The following SLC6A19 variants were observed in gnomAD, a reference collection of about 807,000 sequenced individuals.
SLC6A19 encodes sodium-dependent neutral amino acid transporter B(0)AT1.
SLC6A19 carries 67 observed loss-of-function variants against 68.3 expected under a neutral mutation model. That is an observed-to-expected ratio of 0.98 (90% CI 0.81 to 1.20). The LOEUF is 1.20. Ranked by LOEUF, SLC6A19 falls within the 50% of genes most tolerant of loss-of-function variation. The probability of loss-of-function intolerance (pLI) is 0.00; values close to 1 mark genes in which losing one functional copy is unlikely to be tolerated. For missense variants in SLC6A19, 813 were observed against 851.6 expected (o/e 0.95, Z 0.56); for synonymous variants, 392 against 374.9 (o/e 1.05, Z -0.53).
rs1054464669 is a variant in SLC6A19, at chr5:1,215,990, T to C, written c.888-568T>C. ...TTTCCCTGAGGCTAACAGATTCAGC[T>C]TTTGATGGAAGCATCTGGAAGGATG... On this transcript the variant is annotated intron_variant, in intron 6 of 11. Transcript: ENST00000304460. The surrounding 1 kb of genome is among the most constrained non-coding windows in gnomAD (Gnocchi z 5.1). 6.6e-6 allele frequency among the ~76,000 whole-genome samples: 1 copy of C among 152,204 alleles called. No individual in the cohort carries two copies. Among genetic ancestry groups the C allele is most frequent in the Non-Finnish European group, 1.5e-5 (1 of 68,036 alleles).
intron 1 of SLC6A19, among the ~76,000 whole-genome samples, chr5:1,202,689 CG>C (rs10706772): frequency 0.47 from 71,998 of 151,698 alleles, 17,445 homozygotes; most frequent in African/African-American, 0.54. Context: ...GGGCAGTTCA[CG>C]GGGGGGCCGT....
Position 1,213,997 on chromosome 5 carries a change from A to G in SLC6A19, c.819A>G (p.Ala273=), listed in dbSNP as rs758255678. ...AQPDTWLDAG[A]QVFFSFSLAF... is the part of the protein sequence containing the mutation. ...CGGACACCTGGCTGGACGCGGGCGC[A>G]CAGGTCTTCTTCTCCTTCTCCCTGG... Residue 273 remains alanine (A), a synonymous_variant, in exon 6 of 12, where the codon GCA becomes GCG. Transcript: ENST00000304460. The G allele has an allele frequency of 3.7e-6, 6 of 1,613,648 alleles. No individual in the cohort carries two copies. Among genetic ancestry groups the G allele is most frequent in the Middle Eastern group, 3.3e-4 (2 of 6,062 alleles).
chr5:1,205,808 G>T (rs529504795), intron 1 of SLC6A19, among the ~76,000 whole-genome samples: 1 of 152,202 alleles, frequency 6.6e-6, no homozygotes, highest in Admixed American at 6.5e-5. Context: ...TTAACCTAAT[G>T]AGCAGGCCCT....
At chr5:1,205,096 C>T (rs1339979305) in intron 1 of SLC6A19, among the ~76,000 whole-genome samples, 1 of 152,182 alleles carries the variant, frequency 6.6e-6, no homozygotes, top group African/African-American at 2.4e-5. Flanking sequence ...CCTGCTTCCA[C>T]CTGAGTGAGC....
chr5:1,203,880 A>G (rs530072589), intron 1 of SLC6A19, among the ~76,000 whole-genome samples: 1 of 152,284 alleles, frequency 6.6e-6, no homozygotes, highest in Admixed American at 6.5e-5. Flanking sequence ...GGTGAATCCA[A>G]TCTGGGCCGC....
chr5:1,207,555 G>A (rs1018223687), intron 1 of SLC6A19, among the ~76,000 whole-genome samples: 5 of 152,218 alleles, frequency 3.3e-5, no homozygotes, highest in African/African-American at 9.6e-5. Flanking sequence ...AAGCATCTGC[G>A]ATTTTTCCTG....
chr5:1,217,425 A>G lies in SLC6A19; in HGVS notation c.1173+480A>G, dbSNP rs1040803519. Among the ~76,000 whole-genome samples the G allele has an allele frequency of 2.0e-5, 3 of 152,250 alleles. No homozygotes were observed. The South Asian group carries it at 6.2e-4, about 32-fold the overall frequency. On this transcript the variant is annotated intron_variant, in intron 8 of 11. Transcript: ENST00000304460. The stretch of plus-strand genomic sequence containing the variant: ...GAGTGTTTTTGAATACTATTTCCAC[A>G]GTTAACGAAGTTTAGATGCTGTTAC...
chr5:1,221,044 G>T, intron 10 of SLC6A19, 107 bp from the exon 11 acceptor site: 2 of 1,426,458 alleles, frequency 1.4e-6, no homozygotes, highest in Non-Finnish European at 9.6e-7. Flanking sequence ...AGGGGAGGCC[G>T]GGCACCTCGC....
At position 1,201,687 on chromosome 5, in the gene SLC6A19, G is replaced by A. The variant is rs200291939; in HGVS notation, c.37G>A (p.Ala13Thr). Reference protein sequence around the residue: ...RLVLPNPGLDARIPSLAELET... With the variant: ...RLVLPNPGLDTRIPSLAELET... ...CGTGCTGCCCAACCCCGGCCTAGAC[G>A]CCCGGATCCCGTCCCTGGCTGAGCT... The change falls in exon 1 of 12, where the codon GCC (alanine) becomes ACC (threonine). Residue 13 changes from alanine (A) to threonine (T), a missense_variant. Ala to Thr is a moderately conservative substitution (Grantham distance 58, BLOSUM62 0). Coordinates refer to ENST00000304460, the MANE Select transcript of SLC6A19 (RefSeq NM_001003841.3). The A allele has an allele frequency of 3.2e-5, 52 of 1,610,254 alleles. No individual in the cohort carries two copies. The highest frequency in any genetic ancestry group is 6.7e-5 in the African/African-American group (5 of 75,046).
rs1745880597 is a variant in SLC6A19 at position 1,207,210 on chromosome 5, G to GCCGGATGGGAGCCCTGC, written c.203-1534_203-1518dup. Among the ~76,000 whole-genome samples, 3 of 152,214 alleles carry GCCGGATGGGAGCCCTGC rather than the reference G, an allele frequency of 2.0e-5. No homozygotes were observed. The South Asian group carries it at 6.2e-4, about 31-fold the overall frequency. On this transcript the variant is annotated intron_variant, in intron 1 of 11. Coordinates refer to ENST00000304460, the MANE Select transcript of SLC6A19 (RefSeq NM_001003841.3). ...ACCCACCGGTGTCCACGCTGCCCTG[G>GCCGGATGGGAGCCCTGC]CCGGATGGGAGCCCTGCCAAGGCTG...
At chr5:1,221,002 C>T in intron 10 of SLC6A19, 149 bp from the exon 11 acceptor site, 1 of 946,882 alleles carries the variant, frequency 1.1e-6, no homozygotes, top group African/African-American at 1.6e-5. Flanking sequence ...AGGAGGCACC[C>T]ATGACCAGGA....
rs1271323223 is a variant in SLC6A19, at chr5:1,222,706, C to G, written c.*802C>G. On this transcript the variant is annotated 3_prime_UTR_variant, in exon 12 of 12. Transcript: ENST00000304460. ...ACGCATATGGACACATATGGACACA[C>G]ATATGGACACGTGTGGATATGTGTG... The G allele has an allele frequency of 5.9e-6, 1 of 169,932 alleles. No individual in the cohort carries two copies. Among genetic ancestry groups the G allele is most frequent in the African/African-American group, 2.4e-5 (1 of 42,096 alleles). The allele number at this position is 169,932 out of a possible 1,614,324, so 10.5% of individuals were successfully genotyped here.
intron 11 of SLC6A19, among the ~76,000 whole-genome samples, 189 bp downstream of exon 11, chr5:1,221,502 A>G (rs1176534390): frequency 1.3e-5 from 2 of 152,090 alleles, no homozygotes; most frequent in African/African-American, 2.4e-5. Flanking sequence ...CCTGACACCA[A>G]TGTGTCACAC....
chr5:1,220,625 G>A (rs1746350053), intron 10 of SLC6A19, among the ~76,000 whole-genome samples: 1 of 152,134 alleles, frequency 6.6e-6, no homozygotes, highest in African/African-American at 2.4e-5. Context: ...GCTTCTGCGG[G>A]GACCATGGGT....
chr5:1,213,587 G>A lies in SLC6A19; in HGVS notation c.774+14G>A, dbSNP rs749136448. Reference sequence around the variant, plus strand: ...TTCACGCCCAACGTAAGTCCCCGAGGCTGCCCTGGGCCCAGACCCCGGGAG... The same window carrying A: ...TTCACGCCCAACGTAAGTCCCCGAGACTGCCCTGGGCCCAGACCCCGGGAG... On this transcript the variant is annotated intron_variant, in intron 5 of 11. Coordinates refer to ENST00000304460, the MANE Select transcript of SLC6A19 (RefSeq NM_001003841.3). The A allele has an allele frequency of 4.4e-6, 7 of 1,608,292 alleles. No individual in the cohort carries two copies. In the East Asian group the frequency reaches 9.0e-5, roughly 21 times the overall value.
At chr5:1,219,406 C>T in intron 9 of SLC6A19, 99 bp from the exon 10 acceptor site, 1 of 1,535,102 alleles carries the variant, frequency 6.5e-7, no homozygotes, top group Non-Finnish European at 8.8e-7. Flanking sequence ...CAGCTCTGTC[C>T]CTGGCCATAT....
chr5:1,213,657 C>T (rs901284295), intron 5 of SLC6A19, 84 bp downstream of exon 5: 63 of 1,339,864 alleles, frequency 4.7e-5, no homozygotes, highest in Non-Finnish European at 6.4e-5. Flanking sequence ...TACCAGCTCT[C>T]ACCCACGGGG....
chr5:1,213,445 A>G lies in SLC6A19; in HGVS notation c.664-18A>G. 2 of 1,281,880 alleles carry G rather than the reference A, an allele frequency of 1.6e-6. No homozygotes were observed. The highest frequency in any genetic ancestry group is 9.8e-5 in the East Asian group (2 of 20,352). The allele number at this position is 1,281,880 out of a possible 1,614,324, so 79.4% of individuals were successfully genotyped here. A position where few individuals can be genotyped will look rare whatever the true frequency, so the allele number is the denominator to read the frequency against. On this transcript the variant is annotated intron_variant, in intron 4 of 11. Coordinates refer to ENST00000304460, the MANE Select transcript of SLC6A19 (RefSeq NM_001003841.3). ...CCCCCCAACTTCCCGCCCATCCCAC[A>G]TGTCCCGCCCTCCGCAGGCCGTGTA...
intron 1 of SLC6A19, among the ~76,000 whole-genome samples, chr5:1,203,886 GC>G (rs958183842): frequency 5.9e-5 from 9 of 152,202 alleles, no homozygotes; most frequent in African/African-American, 2.2e-4. Flanking sequence ...TCCAATCTGG[GC>G]CGCAGCTCTG....
Sources: gnomAD v4.1 joint callset for allele counts (sites outside exome capture counted in the v4.1 genomes callset) on GRCh38, gnomAD v4.1.1 for gene constraint, Gnocchi (gnomAD v3.1) non-coding constraint, MANE v1.5 for transcripts, NCBI Gene and HGNC (gene_info 2026-07-23, HGNC 2026-07-21) for gene names.